JAM3: variants seen among roughly 807,000 people sequenced by gnomAD.
JAM3 encodes junctional adhesion molecule 3.
Under a neutral mutation model 39.4 loss-of-function variants are expected in JAM3, and 31 were observed. That is an observed-to-expected ratio of 0.79 (90% confidence interval 0.59 to 1.06). The LOEUF is 1.06. Ranked by LOEUF, JAM3 falls within the 50% of genes least tolerant of loss-of-function variation. The pLI is 0.00. For missense variants in JAM3, 455 were observed against 391.4 expected, an observed-to-expected ratio of 1.16 and a Z score of -1.37; for synonymous variants, 182 against 148.7, an observed-to-expected ratio of 1.22 and a Z score of -1.63.
intron 3 of JAM3, 113 bp downstream of exon 3, chr11:134,140,883 C>A: frequency 7.4e-7 from 1 of 1,356,698 alleles, no homozygotes; most frequent in African/African-American, 1.5e-5. Flanking sequence ...GTAGCTAGGA[C>A]CGTTTTTTTT....
chr11:134,146,082 T>C, intron 6 of JAM3, 37 bp downstream of exon 6: 1 of 1,311,702 alleles, frequency 7.6e-7, no homozygotes, highest in East Asian at 2.3e-5. Context: ...ATCGCAAGAC[T>C]GGGAAGTGAA....
At chr11:134,111,926 G>C (rs184465733) in intron 1 of JAM3, among the ~76,000 whole-genome samples, 59 of 152,208 alleles carry the variant, frequency 3.9e-4, no homozygotes, top group East Asian at 3.9e-4. Context: ...ACACCTCAGC[G>C]ATCTGAAGTC....
chr11:134,133,131 TGTTG>T (rs1942799172), intron 1 of JAM3, among the ~76,000 whole-genome samples: 1 of 152,218 alleles, frequency 6.6e-6, no homozygotes, highest in Non-Finnish European at 1.5e-5. Flanking sequence ...AAGTTCTGCA[TGTTG>T]GTTTTGTATC....
At chr11:134,127,490 G>GAC (rs1220136122) in intron 1 of JAM3, among the ~76,000 whole-genome samples, 1 of 152,162 alleles carries the variant, frequency 6.6e-6, no homozygotes, top group Non-Finnish European at 1.5e-5. Flanking sequence ...TATGAGGTAA[G>GAC]GAGTTTGAGA....
At chr11:134,112,389 GTCAA>G (rs777480003) in intron 1 of JAM3, among the ~76,000 whole-genome samples, 12 of 152,076 alleles carry the variant, frequency 7.9e-5, no homozygotes, top group South Asian at 2.1e-4. Context: ...CACCCAGCCA[GTCAA>G]TCAATTTAAA....
rs550090586 is a variant in JAM3, at chr11:134,148,650, C to T, written c.816C>T (p.Phe272=). 1.2e-6 allele frequency: 2 copies of T among 1,613,932 alleles called. No individual in the cohort carries two copies. The highest frequency in any genetic ancestry group is 2.7e-5 in the African/African-American group (2 of 74,868). The part of the protein sequence containing the change: ...GICCAYRRGY[F]INNKQDGESY... ...GCTGTGCATACAGACGTGGCTACTT[C>T]ATCAACAATAAACAGGATGGAGAAA... The change falls in exon 7 of 9, where the codon TTC becomes TTT. Residue 272 remains phenylalanine (F), a synonymous_variant. Transcript: ENST00000299106.
At chr11:134,105,971 C>CT (rs1324785865) in intron 1 of JAM3, among the ~76,000 whole-genome samples, 1 of 152,194 alleles carries the variant, frequency 6.6e-6, no homozygotes, top group African/African-American at 2.4e-5. Flanking sequence ...CTACCAATGA[C>CT]TTTCTTCACA....
At position 134,149,376 on chromosome 11, in the gene JAM3, G is replaced by A. The variant is rs891272595; in HGVS notation, c.*195G>A. ...TGAATAGAAGAATTTTCCTCAAGAT[G>A]GACCCGGTAAATATAACCACAAGGA... is the stretch of plus-strand genomic sequence containing the variant. On this transcript the variant is annotated 3_prime_UTR_variant, in exon 9 of 9. Transcript: ENST00000299106. 3 of 664,390 alleles carry A rather than the reference G, an allele frequency of 4.5e-6. No individual in the cohort carries two copies. The highest frequency in any genetic ancestry group is 5.4e-5 in the East Asian group (2 of 36,720). 41.2% of individuals were successfully genotyped at this position (664,390 alleles called of 1,614,324 possible).
chr11:134,079,886 G>A (rs906619415), intron 1 of JAM3, among the ~76,000 whole-genome samples: 5 of 152,160 alleles, frequency 3.3e-5, no homozygotes, highest in Non-Finnish European at 7.3e-5. Flanking sequence ...GAAAATTTAG[G>A]TGTGTTTTGT....
At chr11:134,116,980 C>G (rs1454496089) in intron 1 of JAM3, among the ~76,000 whole-genome samples, 5 of 151,872 alleles carry the variant, frequency 3.3e-5, no homozygotes, top group Non-Finnish European at 5.9e-5. Flanking sequence ...TTAACCAAGA[C>G]AAGGATATCT....
chr11:134,085,522 G>C (rs189564516), intron 1 of JAM3, among the ~76,000 whole-genome samples: 1 of 152,198 alleles, frequency 6.6e-6, no homozygotes, highest in Admixed American at 6.5e-5. Flanking sequence ...TGTGATTTCT[G>C]TTCTCATTCT....
At chr11:134,137,158 G>A in intron 1 of JAM3, among the ~76,000 whole-genome samples, 1 of 151,200 alleles carries the variant, frequency 6.6e-6, no homozygotes, top group South Asian at 2.1e-4. Context: ...TCATTTCTTT[G>A]CCATAATGCA....
In JAM3 at chr11:134,151,387, C is replaced by T. The variant is rs1943229580; in HGVS notation, c.*2206C>T. On this transcript the variant is annotated 3_prime_UTR_variant, in exon 9 of 9. Coordinates refer to ENST00000299106, the MANE Select transcript of JAM3 (RefSeq NM_032801.5). ...CACCTTGGTAGAGAGGGATGGCTCCCCACCCTCAGCGTTGGGGATTCACGC... is the reference window on the plus strand; with the variant it reads ...CACCTTGGTAGAGAGGGATGGCTCCTCACCCTCAGCGTTGGGGATTCACGC... 1 of 152,138 alleles carries T rather than the reference C, an allele frequency of 6.6e-6. No individual in the cohort carries two copies. The highest frequency in any genetic ancestry group is 1.5e-5 in the Non-Finnish European group (1 of 68,030). 9.4% of individuals were successfully genotyped at this position (152,138 alleles called of 1,614,324 possible).
chr11:134,073,627 G>T (rs937732441), intron 1 of JAM3, among the ~76,000 whole-genome samples: 1 of 152,178 alleles, frequency 6.6e-6, no homozygotes, highest in East Asian at 1.9e-4. Flanking sequence ...CTGTGTGCTA[G>T]GGTTGCAAAA....
intron 1 of JAM3, among the ~76,000 whole-genome samples, chr11:134,102,713 G>T (rs921111476): frequency 6.6e-6 from 1 of 152,226 alleles, no homozygotes; most frequent in Non-Finnish European, 1.5e-5. Flanking sequence ...ACTACGTGAC[G>T]AATGCACAAG....
chr11:134,113,108 G>A (rs1429902260), intron 1 of JAM3, among the ~76,000 whole-genome samples: 1 of 151,928 alleles, frequency 6.6e-6, no homozygotes, highest in Admixed American at 6.6e-5. Flanking sequence ...ATATATTAAG[G>A]GATCATAAAT....
chr11:134,149,859 T>C lies in JAM3; in HGVS notation c.*678T>C, dbSNP rs989729560. On this transcript the variant is annotated 3_prime_UTR_variant, in exon 9 of 9. Coordinates refer to ENST00000299106, the MANE Select transcript of JAM3 (RefSeq NM_032801.5). ...CAGGATTTAAGGAAAACCTTCGTCT[T>C]AGGCTAAGTCTGAAATGGTACTGAA... 3 of 320,510 alleles carry C rather than the reference T, an allele frequency of 9.4e-6. No individual in the cohort carries two copies. The highest frequency in any genetic ancestry group is 6.5e-5 in the African/African-American group (3 of 45,820). 19.9% of individuals were successfully genotyped at this position (320,510 alleles called of 1,614,324 possible).
chr11:134,071,707 A>G (rs1199625052), intron 1 of JAM3, among the ~76,000 whole-genome samples: 2 of 152,192 alleles, frequency 1.3e-5, no homozygotes, highest in Non-Finnish European at 2.9e-5. Context: ...TTTTGAAAAA[A>G]TGTTTAATTC....
At chr11:134,102,385 A>G (rs1942091953) in intron 1 of JAM3, among the ~76,000 whole-genome samples, 3 of 152,190 alleles carry the variant, frequency 2.0e-5, no homozygotes, top group South Asian at 4.1e-4. Flanking sequence ...ATCGAGGACC[A>G]AAGGTAGATA....
Sources: allele counts gnomAD v4.1 joint callset (sites outside exome capture counted in the v4.1 genomes callset), GRCh38; gene constraint gnomAD v4.1.1; transcripts MANE v1.5; gene names NCBI Gene and HGNC (gene_info 2026-07-23, HGNC 2026-07-21).